Variants in LMBRD1 observed in about 807,000 individuals in gnomAD.
LMBRD1 encodes LMBR1 domain containing 1.
A neutral mutation model predicts 74.8 loss-of-function variants in LMBRD1; 64 were observed. That is an observed-to-expected ratio of 0.86 (90% confidence interval 0.70 to 1.05). LMBRD1 has a LOEUF of 1.05. Ranked by LOEUF, LMBRD1 falls within the 50% of genes least tolerant of loss-of-function variation. LMBRD1 has a pLI of 0.00. For missense variants in LMBRD1, 652 were observed against 645.9 expected, an observed-to-expected ratio of 1.01 and a Z score of -0.10; for synonymous variants, 204 against 216.3, an observed-to-expected ratio of 0.94 and a Z score of 0.50.
intron 5 of LMBRD1, among the ~76,000 whole-genome samples, chr6:69,744,740 C>T (rs752541895): frequency 6.6e-6 from 1 of 152,158 alleles, no homozygotes; most frequent in Non-Finnish European, 1.5e-5. Flanking sequence ...CTCACCTGAA[C>T]TTATATAATG....
intron 2 of LMBRD1, among the ~76,000 whole-genome samples, chr6:69,787,618 C>T (rs1333553897): frequency 6.6e-6 from 1 of 152,044 alleles, no homozygotes; most frequent in Non-Finnish European, 1.5e-5. Context: ...TGGCGGTGTG[C>T]ATCTGTAATC....
intron 14 of LMBRD1, among the ~76,000 whole-genome samples, chr6:69,679,053 AAAAC>A (rs1765607715): frequency 7.3e-6 from 1 of 136,130 alleles, no homozygotes; most frequent in Non-Finnish European, 1.7e-5. Context: ...CAAAAAAAAA[AAAAC>A]AAAAACAAAC....
At position 69,748,581 on chromosome 6, in the gene LMBRD1, A is replaced by AT. The variant is rs575618792; in HGVS notation, c.473+759dup. Among the ~76,000 whole-genome samples the AT allele has an allele frequency of 2.9e-4, 44 of 152,148 alleles. No individual in the cohort carries two copies. In the South Asian group the frequency reaches 8.3e-3, roughly 29 times the overall value. Reference sequence around the variant, plus strand: ...CATTACAAGTTACATGTAATAAGTAATTTTTTTATTTATGGAAAGTTATTT... The same window carrying AT: ...CATTACAAGTTACATGTAATAAGTAATTTTTTTTATTTATGGAAAGTTATTT... On this transcript the variant is annotated intron_variant, in intron 5 of 15. Coordinates refer to ENST00000649934, the MANE Select transcript of LMBRD1 (RefSeq NM_018368.4).
At chr6:69,772,172 G>C (rs1337980595) in intron 3 of LMBRD1, among the ~76,000 whole-genome samples, 2 of 152,146 alleles carry the variant, frequency 1.3e-5, no homozygotes, top group African/African-American at 4.8e-5. Flanking sequence ...AGAGAGGTCT[G>C]CACAAAGATT....
rs962192020 is a variant in LMBRD1, at chr6:69,791,473, G to A, written c.70-1001C>T. 3.9e-5 allele frequency among the ~76,000 whole-genome samples: 6 copies of A among 152,222 alleles called. No individual in the cohort carries two copies. The East Asian group carries it at 5.8e-4, about 15-fold the overall frequency. ...ACATTCCCCAATCAATTCTATCAAC[G>A]GAGAATAAGGCTCCTCCAGGCATCA... On this transcript the variant is annotated intron_variant, in intron 1 of 15. Transcript: ENST00000649934.
At chr6:69,733,711 AATGAT>A (rs1766912661) in intron 7 of LMBRD1, among the ~76,000 whole-genome samples, 1 of 152,152 alleles carries the variant, frequency 6.6e-6, no homozygotes, top group Admixed American at 6.5e-5. Context: ...GTGCTATTCG[AATGAT>A]ATTATCTCTC....
chr6:69,729,359 T>C (rs1451968683), intron 7 of LMBRD1, among the ~76,000 whole-genome samples: 1 of 151,800 alleles, frequency 6.6e-6, no homozygotes, highest in East Asian at 1.9e-4. Flanking sequence ...ATTAACATTA[T>C]TCATCTGCAC....
At chr6:69,715,693 C>A (rs973919538) in intron 8 of LMBRD1, among the ~76,000 whole-genome samples, 7 of 152,104 alleles carry the variant, frequency 4.6e-5, no homozygotes, top group Non-Finnish European at 1.0e-4. Flanking sequence ...TATTTACACA[C>A]ACACACACAC....
chr6:69,784,410 T>C (rs1008569265), intron 2 of LMBRD1, among the ~76,000 whole-genome samples: 1 of 152,220 alleles, frequency 6.6e-6, no homozygotes, highest in Non-Finnish European at 1.5e-5. Context: ...TCCTCACTTT[T>C]ACCTGATAAC....
intron 9 of LMBRD1, chr6:69,705,253 A>G (rs1386511545): frequency 2.9e-6 from 2 of 698,220 alleles, no homozygotes. Context: ...GAAGTAAGAC[A>G]GAAAAATTTT....
At position 69,719,269 on chromosome 6, in the gene LMBRD1, CAG is replaced by C. The variant is rs545831706; in HGVS notation, c.637-190_637-189del. On this transcript the variant is annotated intron_variant, in intron 7 of 15. Transcript: ENST00000649934. ...ATTCTCCCGTTTATTTTGCATTAAA[CAG>C]AGTCAAATTTATAATACTATTCCTC... Among the ~76,000 whole-genome samples the C allele has an allele frequency of 1.2e-4, 18 of 152,148 alleles. No individual in the cohort carries two copies. The East Asian group carries it at 3.1e-3, about 26-fold the overall frequency.
At chr6:69,686,910 A>G (rs1765775892) in intron 14 of LMBRD1, among the ~76,000 whole-genome samples, 1 of 152,202 alleles carries the variant, frequency 6.6e-6, no homozygotes, top group Non-Finnish European at 1.5e-5. Flanking sequence ...CTGCAATGGA[A>G]GAGCTGAGTG....
chr6:69,704,012 T>G (rs1766193286), intron 9 of LMBRD1, among the ~76,000 whole-genome samples: 1 of 152,106 alleles, frequency 6.6e-6, no homozygotes, highest in Non-Finnish European at 1.5e-5. Flanking sequence ...TTATGCTTTT[T>G]TCCAGAAATG....
chr6:69,676,575 G>T, intron 14 of LMBRD1, 34 bp from the exon 15 acceptor site: 1 of 1,470,380 alleles, frequency 6.8e-7, no homozygotes, highest in African/African-American at 1.4e-5. Context: ...TGGTGAGATA[G>T]GTTCTTTCAT....
intron 9 of LMBRD1, chr6:69,706,170 G>T: frequency 2.0e-6 from 1 of 494,542 alleles, no homozygotes; most frequent in Non-Finnish European, 3.8e-6. Flanking sequence ...TCAGGTGGCA[G>T]CACACACTTA....
chr6:69,711,787 T>C (rs1364558440), intron 9 of LMBRD1, among the ~76,000 whole-genome samples: 2 of 152,190 alleles, frequency 1.3e-5, no homozygotes, highest in African/African-American at 4.8e-5. Flanking sequence ...AGCACCCAAA[T>C]TGAACCTGAC....
At chr6:69,733,656 C>A (rs781569811) in intron 7 of LMBRD1, among the ~76,000 whole-genome samples, 11 of 152,094 alleles carry the variant, frequency 7.2e-5, no homozygotes, top group African/African-American at 1.2e-4. Flanking sequence ...TTAAAACTGG[C>A]CAAATCATGG....
chr6:69,721,534 C>G (rs1425330729), intron 7 of LMBRD1, among the ~76,000 whole-genome samples: 1 of 152,146 alleles, frequency 6.6e-6, no homozygotes, highest in Admixed American at 6.5e-5. Flanking sequence ...TACCTGCTGA[C>G]TAAAGAGCCC....
At chr6:69,754,980 T>C (rs1765238534) in intron 3 of LMBRD1, among the ~76,000 whole-genome samples, 1 of 152,212 alleles carries the variant, frequency 6.6e-6, no homozygotes, top group Non-Finnish European at 1.5e-5. Context: ...ACACTGTTGA[T>C]GGGAGTGTAA....
Sources: gnomAD v4.1 joint callset for allele counts (sites outside exome capture counted in the v4.1 genomes callset) on GRCh38, gnomAD v4.1.1 for gene constraint, MANE v1.5 for transcripts, NCBI Gene and HGNC (gene_info 2026-07-23, HGNC 2026-07-21) for gene names.